Variants in UNC5D observed in about 807,000 individuals in gnomAD.
The protein encoded by UNC5D is unc-5 netrin receptor D, also known as netrin receptor UNC5D.
In UNC5D, 39 loss-of-function variants were observed where a neutral mutation model predicts 105.4. The ratio of observed to expected loss-of-function variants is 0.37; its 90% confidence interval spans 0.29 to 0.48. The LOEUF is 0.48. UNC5D is among the 20% of genes least tolerant of loss of function. The pLI is 0.98. For missense variants in UNC5D, 991 were observed against 1,202.4 expected (o/e 0.82, Z 2.60); for synonymous variants, 452 against 450.4 (o/e 1.00, Z -0.04).
chr8:35,494,601 A>T (rs1213104378), intron 1 of UNC5D, among the ~76,000 whole-genome samples: 2 of 152,188 alleles, frequency 1.3e-5, no homozygotes, highest in African/African-American at 4.8e-5. Context: ...AGCACTCCCC[A>T]TTCAACTACT....
intron 8 of UNC5D, among the ~76,000 whole-genome samples, chr8:35,719,202 T>C (rs1828431237): frequency 6.8e-6 from 1 of 146,210 alleles, no homozygotes; most frequent in African/African-American, 2.5e-5. Context: ...TTCTCCCTTC[T>C]CTCATGAAGT....
chr8:35,622,313 G>A (rs978487607), intron 4 of UNC5D, among the ~76,000 whole-genome samples: 3 of 152,130 alleles, frequency 2.0e-5, no homozygotes, highest in African/African-American at 4.8e-5. Flanking sequence ...CTGCACTCCA[G>A]CCTGGCAACA....
At chr8:35,584,972 G>T (rs1818693558) in intron 3 of UNC5D, among the ~76,000 whole-genome samples, 1 of 152,156 alleles carries the variant, frequency 6.6e-6, no homozygotes, top group African/African-American at 2.4e-5. Flanking sequence ...GAACACGATA[G>T]ATCTTATTGT....
chr8:35,784,505 T>G (rs889153728), intron 16 of UNC5D, among the ~76,000 whole-genome samples: 4 of 152,114 alleles, frequency 2.6e-5, no homozygotes, highest in African/African-American at 9.7e-5. Flanking sequence ...ACTCAGCACT[T>G]TGTGAGGCAA....
chr8:35,369,049 A>G (rs1802286819), intron 1 of UNC5D, among the ~76,000 whole-genome samples: 2 of 152,380 alleles, frequency 1.3e-5, no homozygotes, highest in South Asian at 4.1e-4. Context: ...TGGCAGTCTG[A>G]CAAGACTATA....
At chr8:35,368,752 A>T (rs988320153) in intron 1 of UNC5D, among the ~76,000 whole-genome samples, 2 of 152,136 alleles carry the variant, frequency 1.3e-5, no homozygotes, top group Non-Finnish European at 2.9e-5. Flanking sequence ...GGAAGAGGTC[A>T]CGTGGGTGGT....
chr8:35,634,045 C>A (rs1216078525), intron 4 of UNC5D, among the ~76,000 whole-genome samples: 1 of 152,216 alleles, frequency 6.6e-6, no homozygotes, highest in Non-Finnish European at 1.5e-5. Context: ...ATAAAAAATA[C>A]TGGCATTTGA....
chr8:35,362,838 A>G (rs1801924948), intron 1 of UNC5D, among the ~76,000 whole-genome samples: 2 of 152,126 alleles, frequency 1.3e-5, no homozygotes, highest in African/African-American at 4.8e-5. Context: ...TTGTTGTTGT[A>G]GCTATGAAAG....
chr8:35,677,660 G>A (rs1825341722), intron 4 of UNC5D, among the ~76,000 whole-genome samples: 1 of 151,898 alleles, frequency 6.6e-6, no homozygotes, highest in East Asian at 1.9e-4. Flanking sequence ...AAACTATTAG[G>A]TTATGAATAA....
At chr8:35,374,433 A>C (rs992392578) in intron 1 of UNC5D, among the ~76,000 whole-genome samples, 1 of 152,218 alleles carries the variant, frequency 6.6e-6, no homozygotes, top group Non-Finnish European at 1.5e-5. Flanking sequence ...TAAGAGCTAC[A>C]AGAAGGTAAC....
chr8:35,324,279 CTA>C (rs2128888907), intron 1 of UNC5D, among the ~76,000 whole-genome samples: 1 of 144,390 alleles, frequency 6.9e-6, no homozygotes, highest in South Asian at 2.3e-4. Context: ...ATGAGTCATC[CTA>C]TTATCTATTC....
intron 11 of UNC5D, among the ~76,000 whole-genome samples, chr8:35,739,128 C>T (rs1051716850): frequency 2.6e-5 from 4 of 152,066 alleles, no homozygotes; most frequent in Admixed American, 2.6e-4. Flanking sequence ...GCTACCAGTG[C>T]CATGCAGTGT....
intron 1 of UNC5D, among the ~76,000 whole-genome samples, chr8:35,508,266 A>T (rs1812462493): frequency 6.6e-6 from 1 of 152,002 alleles, no homozygotes; most frequent in African/African-American, 2.4e-5. Flanking sequence ...GACCTTGGGG[A>T]GTCTTTTGTT....
chr8:35,239,326 G>C (rs1456425433), intron 1 of UNC5D, among the ~76,000 whole-genome samples: 2 of 152,086 alleles, frequency 1.3e-5, no homozygotes, highest in Non-Finnish European at 2.9e-5. Context: ...ACACTGCGCT[G>C]TCTTATTGAT....
chr8:35,726,599 A>T (rs1828891699), intron 10 of UNC5D, 70 bp downstream of exon 10: 46 of 1,558,580 alleles, frequency 3.0e-5, no homozygotes, highest in Non-Finnish European at 3.5e-5. Flanking sequence ...GTTACTTCCC[A>T]TCAGATTCAT....
At chr8:35,542,898 C>T (rs990656120) in intron 1 of UNC5D, among the ~76,000 whole-genome samples, 8 of 152,096 alleles carry the variant, frequency 5.3e-5, no homozygotes, top group Non-Finnish European at 1.0e-4. Flanking sequence ...TTTTGTTTGT[C>T]CACCCAGTGA....
At chr8:35,305,703 C>T (rs1163400794) in intron 1 of UNC5D, among the ~76,000 whole-genome samples, 1 of 147,824 alleles carries the variant, frequency 6.8e-6, no homozygotes, top group Non-Finnish European at 1.5e-5. Flanking sequence ...TCCTCCCTCC[C>T]TGCCTGACTC....
At chr8:35,425,219 C>T (rs1806164831) in intron 1 of UNC5D, among the ~76,000 whole-genome samples, 1 of 152,338 alleles carries the variant, frequency 6.6e-6, no homozygotes, top group South Asian at 2.1e-4. Context: ...TGTTGCTTCT[C>T]TTCTCACAAA....
intron 1 of UNC5D, among the ~76,000 whole-genome samples, chr8:35,376,190 G>C (rs957326136): frequency 6.6e-6 from 1 of 152,190 alleles, no homozygotes; most frequent in African/African-American, 2.4e-5. Context: ...GGAACCCTTT[G>C]ATTTGGGGCA....
Sources: allele counts gnomAD v4.1 joint callset (sites outside exome capture counted in the v4.1 genomes callset), GRCh38; gene constraint gnomAD v4.1.1; transcripts MANE v1.5; gene names NCBI Gene and HGNC (gene_info 2026-07-23, HGNC 2026-07-21).